IL1RAPL1: variants seen among roughly 807,000 people sequenced by gnomAD.
IL1RAPL1 encodes the protein interleukin 1 receptor accessory protein like 1, also known as interleukin-1 receptor accessory protein-like 1.
Under a neutral mutation model 48.4 loss-of-function variants are expected in IL1RAPL1, and 3 were observed. The observed-to-expected ratio is 0.06, with a 90% confidence interval of 0.03 to 0.16. The LOEUF (loss-of-function observed/expected upper bound fraction) is 0.16, where lower values mean the gene tolerates loss of function less well. Ranked by LOEUF, IL1RAPL1 falls within the 10% of genes least tolerant of loss-of-function variation. The pLI is 1.00. For missense variants in IL1RAPL1, 349 were observed against 530.6 expected, an observed-to-expected ratio of 0.66 and a Z score of 3.36; for synonymous variants, 185 against 187.7, an observed-to-expected ratio of 0.99 and a Z score of 0.12.
chrX:28,771,937 C>CAAAAAAAA (rs5901904), intron 1 of IL1RAPL1, among the ~76,000 whole-genome samples: 152 of 40,678 alleles, frequency 3.7e-3, no homozygotes, highest in African/African-American at 4.4e-3. Context: ...GACTCCGTCT[C>CAAAAAAAA]AAAAAAAAAA....
chrX:29,236,575 T>C (rs1218165075), intron 2 of IL1RAPL1, among the ~76,000 whole-genome samples: 1 of 89,204 alleles, frequency 1.1e-5, no homozygotes, highest in Non-Finnish European at 2.1e-5. Flanking sequence ...TTTTTTGAGA[T>C]GGAGTCTTGC....
intron 2 of IL1RAPL1, among the ~76,000 whole-genome samples, chrX:28,937,807 A>G (rs1924056669): frequency 9.0e-6 from 1 of 111,482 alleles, no homozygotes; most frequent in South Asian, 3.7e-4. Context: ...CCTTCACCTG[A>G]TAACTTCAGC....
At chrX:29,498,774 T>G (rs1935242002) in intron 5 of IL1RAPL1, among the ~76,000 whole-genome samples, 1 of 111,879 alleles carries the variant, frequency 8.9e-6, no homozygotes, top group Non-Finnish European at 1.9e-5. Context: ...TTTTGTATGT[T>G]GTATGTCGTG....
intron 2 of IL1RAPL1, among the ~76,000 whole-genome samples, chrX:28,980,039 C>T (rs979052104): frequency 8.9e-6 from 1 of 112,176 alleles, no homozygotes; most frequent in African/African-American, 3.2e-5. Flanking sequence ...CTTTCTATGA[C>T]TGAGATGGCA....
chrX:28,761,996 G>A (rs1936178885), intron 1 of IL1RAPL1, among the ~76,000 whole-genome samples: 1 of 111,414 alleles, frequency 9.0e-6, no homozygotes, highest in African/African-American at 3.3e-5. Flanking sequence ...CCTTAGACAG[G>A]TGTCAGAATA....
chrX:29,087,691 A>G (rs1044381783), intron 2 of IL1RAPL1, among the ~76,000 whole-genome samples: 9 of 112,248 alleles, frequency 8.0e-5, no homozygotes, highest in Non-Finnish European at 1.5e-4. Context: ...CATATTTCAC[A>G]CATTATAAAA....
chrX:29,573,421 T>C lies in IL1RAPL1; in HGVS notation c.704-95009T>C, dbSNP rs1384847517. 2.7e-5 allele frequency among the ~76,000 whole-genome samples: 3 copies of C among 112,243 alleles called. 1 individual carries two copies. The highest frequency in any genetic ancestry group is 9.7e-5 in the African/African-American group (3 of 30,872). On this transcript the variant is annotated intron_variant, in intron 5 of 10. Transcript: ENST00000378993. Reference sequence around the variant, plus strand: ...TGTTCTTATCTTTCCCCAACTCAAATAAGTTATATATAAAAATTCATTTCT... The same window carrying C: ...TGTTCTTATCTTTCCCCAACTCAAACAAGTTATATATAAAAATTCATTTCT...
At chrX:28,687,811 A>T (rs1935129814) in intron 1 of IL1RAPL1, among the ~76,000 whole-genome samples, 1 of 107,471 alleles carries the variant, frequency 9.3e-6, no homozygotes, top group South Asian at 4.1e-4. Flanking sequence ...AAAATAAAAT[A>T]TGGGGGCAGG....
chrX:29,077,212 A>G (rs1927696960), intron 2 of IL1RAPL1, among the ~76,000 whole-genome samples: 2 of 112,486 alleles, frequency 1.8e-5, no homozygotes, highest in African/African-American at 6.5e-5. Flanking sequence ...AGGTTATTCT[A>G]TTGGGGAGTA....
chrX:29,619,023 A>G (rs1924378707), intron 5 of IL1RAPL1, among the ~76,000 whole-genome samples: 1 of 111,949 alleles, frequency 8.9e-6, no homozygotes, highest in Non-Finnish European at 1.9e-5. Flanking sequence ...CTTTCTATCA[A>G]TGTTTGACAT....
chrX:29,761,105 G>T (rs1928740598), intron 6 of IL1RAPL1, among the ~76,000 whole-genome samples: 1 of 112,027 alleles, frequency 8.9e-6, no homozygotes. Flanking sequence ...GGATCTAGAA[G>T]TAAAAACTTT....
chrX:29,101,781 C>T (rs986063849), intron 2 of IL1RAPL1, among the ~76,000 whole-genome samples: 10 of 110,489 alleles, frequency 9.1e-5, no homozygotes, highest in African/African-American at 3.3e-4. Flanking sequence ...GCTAAAAATA[C>T]GAAAAATGAG....
chrX:29,356,704 C>T (rs185500263), intron 3 of IL1RAPL1, among the ~76,000 whole-genome samples: 75 of 110,921 alleles, frequency 6.8e-4, no homozygotes, highest in African/African-American at 2.4e-3. Flanking sequence ...TCTATACGAC[C>T]GCAAATAATG....
chrX:28,722,681 G>A (rs539173333), intron 1 of IL1RAPL1, among the ~76,000 whole-genome samples: 12 of 111,496 alleles, frequency 1.1e-4, no homozygotes, highest in African/African-American at 3.6e-4. Context: ...GTTTTCGAAG[G>A]GAATGCTTCC....
At chrX:28,888,666 TA>T (rs200993695) in intron 2 of IL1RAPL1, among the ~76,000 whole-genome samples, 1,092 of 106,707 alleles carry the variant, frequency 0.01, 12 homozygotes, top group African/African-American at 0.034. Flanking sequence ...TCCATTATCT[TA>T]AAAAAAAAAG....
chrX:29,777,967 A>ATACTATTGTATAAATAGTTTTCATTTG (rs1929245586), intron 6 of IL1RAPL1, among the ~76,000 whole-genome samples: 1 of 109,687 alleles, frequency 9.1e-6, no homozygotes, highest in African/African-American at 3.3e-5. Flanking sequence ...GTTTTCATTT[A>ATACTATTGTATAAATAGTTTTCATTTG]TACTATTGTA....
chrX:29,903,160 G>A (rs1481168324), intron 6 of IL1RAPL1, among the ~76,000 whole-genome samples: 4 of 75,239 alleles, frequency 5.3e-5, no homozygotes, highest in Non-Finnish European at 5.1e-5. Flanking sequence ...ATTTGTCTCC[G>A]TGTGTGTGTG....
intron 2 of IL1RAPL1, among the ~76,000 whole-genome samples, chrX:29,100,346 G>A (rs1232877465): frequency 8.9e-6 from 1 of 112,179 alleles, no homozygotes; most frequent in Non-Finnish European, 1.9e-5. Context: ...TGGACAGGCA[G>A]CCTTTATGGA....
intron 1 of IL1RAPL1, among the ~76,000 whole-genome samples, chrX:28,732,773 G>T (rs1176759354): frequency 9.0e-6 from 1 of 111,204 alleles, no homozygotes; most frequent in East Asian, 2.8e-4. Flanking sequence ...GGAGACTGAG[G>T]CAGGAGAATT....
Sources: gnomAD v4.1 joint callset for allele counts (sites outside exome capture counted in the v4.1 genomes callset) on GRCh38, gnomAD v4.1.1 for gene constraint, MANE v1.5 for transcripts, NCBI Gene and HGNC (gene_info 2026-07-23, HGNC 2026-07-21) for gene names.